SLC4A4: variants seen among roughly 807,000 people sequenced by gnomAD.
The protein encoded by SLC4A4 is electrogenic sodium bicarbonate cotransporter 1.
In SLC4A4, 27 loss-of-function variants were observed where a neutral mutation model predicts 111.5. That is an observed-to-expected ratio of 0.24 (90% CI 0.18 to 0.33). The LOEUF is 0.33. SLC4A4 is among the 10% of genes least tolerant of loss of function. The probability of loss-of-function intolerance (pLI) is 1.00; values close to 1 mark genes in which losing one functional copy is unlikely to be tolerated. For missense variants in SLC4A4, 909 were observed against 1,315.5 expected, an observed-to-expected ratio of 0.69 and a Z score of 4.78; for synonymous variants, 443 against 463.4, an observed-to-expected ratio of 0.96 and a Z score of 0.57.
chr4:71,496,031 A>C (rs1730375383), intron 15 of SLC4A4, among the ~76,000 whole-genome samples: 1 of 152,130 alleles, frequency 6.6e-6, no homozygotes, highest in South Asian at 2.1e-4. Context: ...AAGAAGATTC[A>C]AACATCAGTA....
At chr4:71,068,238 T>C (rs1023880190) in intron 1 of SLC4A4, among the ~76,000 whole-genome samples, 1 of 151,962 alleles carries the variant, frequency 6.6e-6, no homozygotes, top group Admixed American at 6.5e-5. Flanking sequence ...CTAATTTTTG[T>C]ATTTTTAGTA....
chr4:71,349,324 A>G (rs950340604), intron 4 of SLC4A4, among the ~76,000 whole-genome samples: 4 of 152,170 alleles, frequency 2.6e-5, no homozygotes, highest in African/African-American at 9.7e-5. Context: ...ATAAGAGGGG[A>G]ATATGCATCA....
rs576611695 is a variant in SLC4A4 at position 71,214,367 on chromosome 4, A to C, written c.-1-22209A>C. ...TGGATTTTCTAGGATTTCCAGGTAC[A>C]TGTTAGCATTTCCTGATCAAGAAAG... On this transcript the variant is annotated intron_variant, in intron 1 of 25. Coordinates refer to ENST00000264485, the MANE Select transcript of SLC4A4 (RefSeq NM_001098484.3). 2.0e-5 allele frequency among the ~76,000 whole-genome samples: 3 copies of C among 152,288 alleles called. No individual in the cohort carries two copies. The South Asian group carries it at 6.2e-4, about 32-fold the overall frequency.
chr4:71,419,686 C>T (rs553137278), intron 7 of SLC4A4, among the ~76,000 whole-genome samples: 14 of 152,340 alleles, frequency 9.2e-5, no homozygotes, highest in African/African-American at 2.6e-4. Context: ...GGCTCGTGCA[C>T]GGTGCGCTGC....
intron 2 of SLC4A4, among the ~76,000 whole-genome samples, chr4:71,101,737 A>T (rs1742742713): frequency 6.6e-6 from 1 of 152,174 alleles, no homozygotes; most frequent in East Asian, 1.9e-4. Context: ...AAACTAACAA[A>T]CAGAAAGGAC....
chr4:71,287,334 A>G (rs1723996008), intron 3 of SLC4A4, among the ~76,000 whole-genome samples: 1 of 152,226 alleles, frequency 6.6e-6, no homozygotes, highest in Non-Finnish European at 1.5e-5. Flanking sequence ...TGATAAAAAT[A>G]GGATTTCACA....
At position 71,546,439 on chromosome 4, in the gene SLC4A4, T is replaced by C; in HGVS notation, c.2532T>C (p.Ala844=). The change falls in exon 19 of 26, where the codon GCT becomes GCC. Residue 844 remains alanine, a synonymous_variant. Coordinates refer to ENST00000264485, the MANE Select transcript of SLC4A4 (RefSeq NM_001098484.3). ...SLMALPWYVA[A]TVISIAHIDS... ...TGGCTCTTCCGTGGTATGTAGCTGC[T>C]ACGGTCATCTCCATTGCTCACATCG... The C allele has an allele frequency of 6.2e-7, 1 of 1,612,856 alleles. No homozygotes were observed.
intron 3 of SLC4A4, among the ~76,000 whole-genome samples, chr4:71,284,586 T>C (rs964435267): frequency 2.0e-5 from 3 of 152,222 alleles, no homozygotes; most frequent in African/African-American, 7.2e-5. Flanking sequence ...TTATAAGCTA[T>C]ATTCTATTTA....
intron 1 of SLC4A4, among the ~76,000 whole-genome samples, chr4:71,206,154 T>C (rs1185686106): frequency 3.9e-5 from 6 of 152,164 alleles, no homozygotes; most frequent in South Asian, 2.1e-4. Flanking sequence ...TAAGACCACA[T>C]TTTCTGTGAA....
At chr4:71,434,286 T>G (rs1723909210) in intron 7 of SLC4A4, 1 of 152,104 alleles carries the variant, frequency 6.6e-6, no homozygotes, top group African/African-American at 2.4e-5. Context: ...ACAGCTACTT[T>G]TGAAATTTTT....
chr4:71,100,147 CA>C (rs1048106708), intron 2 of SLC4A4, among the ~76,000 whole-genome samples: 1 of 151,834 alleles, frequency 6.6e-6, no homozygotes, highest in African/African-American at 2.4e-5. Flanking sequence ...ATAGATGCAA[CA>C]AAAAAAGAAA....
At chr4:71,123,025 T>C (rs1743476607) in intron 2 of SLC4A4, among the ~76,000 whole-genome samples, 1 of 152,064 alleles carries the variant, frequency 6.6e-6, no homozygotes, top group African/African-American at 2.4e-5. Context: ...AATGAAAAGA[T>C]AAAAGAGAAC....
intron 2 of SLC4A4, among the ~76,000 whole-genome samples, chr4:71,131,879 T>A (rs1484077656): frequency 1.3e-5 from 2 of 152,144 alleles, no homozygotes; most frequent in Non-Finnish European, 2.9e-5. Context: ...TCTGTATCCA[T>A]CTCCCACTGT....
intron 11 of SLC4A4, 139 bp from the exon 12 acceptor site, chr4:71,453,356 A>G (rs1725939870): frequency 6.8e-6 from 6 of 879,552 alleles, no homozygotes; most frequent in Middle Eastern, 3.4e-4. Context: ...TTCTGGTTTC[A>G]TCGTAAGTGG....
Position 71,567,975 on chromosome 4 carries a change from A to G in SLC4A4, c.*224A>G. On this transcript the variant is annotated 3_prime_UTR_variant, in exon 26 of 26. Transcript: ENST00000264485. ...GCTGTTTGTTTATTTTTTAACTTTT[A>G]TTTCGTCTCAGTTTTTGGTCACAGG... The G allele has an allele frequency of 2.3e-6, 2 of 872,984 alleles. No homozygotes were observed. Among genetic ancestry groups the G allele is most frequent in the East Asian group, 2.7e-5 (1 of 36,678 alleles). The allele number at this position is 872,984 out of a possible 1,614,324, so 54.1% of individuals were successfully genotyped here.
chr4:71,325,691 A>G (rs929564252), intron 3 of SLC4A4, among the ~76,000 whole-genome samples: 2 of 152,026 alleles, frequency 1.3e-5, no homozygotes, highest in African/African-American at 2.4e-5. Context: ...TGCCCACTCA[A>G]AAATGAATTG....
Position 71,180,475 on chromosome 4 carries a change from A to G in SLC4A4, c.-1-56101A>G, listed in dbSNP as rs187646256. ...CATCTGACAAAGGGCTAATATCCAGAATCTACATTGAACTCCAACAAATTT... is the reference window on the plus strand; with the variant it reads ...CATCTGACAAAGGGCTAATATCCAGGATCTACATTGAACTCCAACAAATTT... On this transcript the variant is annotated intron_variant, in intron 2 of 26. Coordinates refer to the SLC4A4 transcript ENST00000649996. Among the ~76,000 whole-genome samples the G allele has an allele frequency of 3.3e-5, 5 of 152,352 alleles. No individual in the cohort carries two copies. The East Asian group carries it at 9.6e-4, about 29-fold the overall frequency.
In SLC4A4 at chr4:71,536,485, T is replaced by TATATATATATATATATATAA. The variant is rs760037325; in HGVS notation, c.2442+2099_2442+2100insATATATATATATATATAAAT. Among the ~76,000 whole-genome samples the TATATATATATATATATATAA allele has an allele frequency of 3.2e-3, 272 of 83,750 alleles. 12 individuals carry two copies. Among genetic ancestry groups the TATATATATATATATATATAA allele is most frequent in the East Asian group, 8.3e-3 (13 of 1,568 alleles). The allele number at this position is 83,750 out of a possible 152,430, so 54.9% of individuals were successfully genotyped here. On this transcript the variant is annotated intron_variant, in intron 18 of 25. Coordinates refer to ENST00000264485, the MANE Select transcript of SLC4A4 (RefSeq NM_001098484.3). The stretch of plus-strand genomic sequence containing the variant: ...ATATACATATATATATATATATATA[T>TATATATATATATATATATAA]ATGTATATATTTATTTATTTATTTA...
chr4:71,342,750 T>A (rs967181370), intron 4 of SLC4A4, among the ~76,000 whole-genome samples: 8 of 152,074 alleles, frequency 5.3e-5, no homozygotes, highest in African/African-American at 1.7e-4. Flanking sequence ...TATAGTTCAT[T>A]GTATAGGTAA....
Sources: gnomAD v4.1 joint callset for allele counts (sites outside exome capture counted in the v4.1 genomes callset) on GRCh38, gnomAD v4.1.1 for gene constraint, MANE v1.5 for transcripts, NCBI Gene and HGNC (gene_info 2026-07-23, HGNC 2026-07-21) for gene names.